CEP95: variants seen among roughly 807,000 people sequenced by gnomAD.
The protein encoded by CEP95 is centrosomal protein of 95 kDa.
Under a neutral mutation model 111.2 loss-of-function variants are expected in CEP95, and 98 were observed. That is an observed-to-expected ratio of 0.88 (90% CI 0.75 to 1.04). The LOEUF is 1.04. Among genes scored for constraint, CEP95 ranks in the 50% least tolerant of loss-of-function variants. CEP95 has a pLI of 0.00. For synonymous variants in CEP95, 323 were observed against 327.1 expected (o/e 0.99, Z 0.14); for missense variants, 1,027 against 977.2 (o/e 1.05, Z -0.68).
At chr17:64,532,702 A>G (rs1043555464) in intron 14 of CEP95, 137 bp from the exon 15 acceptor site, 4 of 1,445,700 alleles carry the variant, frequency 2.8e-6, no homozygotes, top group Non-Finnish European at 3.6e-6. Context: ...AGTAATGCAA[A>G]TTATTATAAG....
rs782294013 is a variant in CEP95 at position 64,533,156 on chromosome 17, C to T, written c.1882C>T (p.Leu628Phe). 5.0e-6 allele frequency: 8 copies of T among 1,592,380 alleles called. No individual in the cohort carries two copies. The highest frequency in any genetic ancestry group is 6.8e-6 in the Non-Finnish European group (8 of 1,174,758). Residue 628 changes from leucine to phenylalanine, a missense_variant, in exon 16 of 20, where the codon CTT becomes TTT. Transcript: ENST00000556440. Reference protein sequence around the residue: ...ALRRHDLLTTLVKKEYEHNKR... With the variant: ...ALRRHDLLTTFVKKEYEHNKR... ...AAGAAGGCATGACCTCCTTACTACC[C>T]TTGTCAAGAAAGAATATGAACATAA...
intron 6 of CEP95, chr17:64,520,449 G>A (rs1458411474): frequency 7.2e-6 from 1 of 139,400 alleles, no homozygotes; most frequent in African/African-American, 2.7e-5. Context: ...TCAATATATG[G>A]ACCATAGTCT....
At chr17:64,526,875 A>G (rs1967859459) in intron 10 of CEP95, among the ~76,000 whole-genome samples, 1 of 152,192 alleles carries the variant, frequency 6.6e-6, no homozygotes, top group Admixed American at 6.6e-5. Flanking sequence ...TGGGAGGATC[A>G]CTGGAACCCA....
At chr17:64,530,456 G>T (rs1555680024) in intron 12 of CEP95, among the ~76,000 whole-genome samples, 1 of 150,958 alleles carries the variant, frequency 6.6e-6, no homozygotes, top group Non-Finnish European at 1.5e-5. Flanking sequence ...GAATGAGCTT[G>T]ATATTTTAGG....
At chr17:64,516,530 G>A (rs2039152400) in intron 4 of CEP95, among the ~76,000 whole-genome samples, 193 bp from the exon 5 acceptor site, 1 of 152,110 alleles carries the variant, frequency 6.6e-6, no homozygotes, top group Non-Finnish European at 1.5e-5. Context: ...CAATATTCTT[G>A]TTTCTTTGTT....
intron 5 of CEP95, among the ~76,000 whole-genome samples, chr17:64,519,116 C>T (rs1031795680): frequency 6.6e-6 from 1 of 152,242 alleles, no homozygotes; most frequent in African/African-American, 2.4e-5. Context: ...ATTTGCTGTT[C>T]TCCTATACAT....
In CEP95 at chr17:64,533,021, C is replaced by A; in HGVS notation, c.1842+13C>A. 6.2e-7 allele frequency: 1 copy of A among 1,606,236 alleles called. No individual in the cohort carries two copies. On this transcript the variant is annotated intron_variant, in intron 15 of 19. Coordinates refer to ENST00000556440, the MANE Select transcript of CEP95 (RefSeq NM_138363.3). ...ACTCCAAGATGAAGTAAGTTACTGT[C>A]AGTCTTAAGCATAGGAATTTAAATG...
At chr17:64,532,147 C>T (rs1007559484) in intron 14 of CEP95, 125 bp downstream of exon 14, 22 of 1,365,544 alleles carry the variant, frequency 1.6e-5, no homozygotes, top group African/African-American at 1.3e-4. Context: ...TTTTTTTTTC[C>T]CAATCACTGC....
Position 64,506,989 on chromosome 17 carries a change from T to G in CEP95, c.-109T>G. ...TCTTTCACGCCTCCTTCCCCGCGCT[T>G]TGGTTCGTGCGTCCGCGCCCCAGTG... is the stretch of plus-strand genomic sequence containing the variant. On this transcript the variant is annotated 5_prime_UTR_variant, in exon 1 of 20. Coordinates refer to ENST00000556440, the MANE Select transcript of CEP95 (RefSeq NM_138363.3). The G allele has an allele frequency of 7.8e-7, 1 of 1,282,826 alleles. No homozygotes were observed. The highest frequency in any genetic ancestry group is 1.1e-6 in the Non-Finnish European group (1 of 903,026). The allele number at this position is 1,282,826 out of a possible 1,614,324, so 79.5% of individuals were successfully genotyped here.
chr17:64,525,646 C>T (rs1207328229), intron 8 of CEP95, 124 bp from the exon 9 acceptor site: 3 of 607,046 alleles, frequency 4.9e-6, no homozygotes, highest in Admixed American at 3.2e-5. Flanking sequence ...GACAAATGCA[C>T]TTCAAAACAC....
chr17:64,518,750 G>A (rs1036498094), intron 5 of CEP95, among the ~76,000 whole-genome samples: 3 of 151,606 alleles, frequency 2.0e-5, no homozygotes, highest in Admixed American at 6.6e-5. Context: ...GTGCAATCTC[G>A]GCTCACTGCA....
intron 1 of CEP95, chr17:64,507,570 C>T (rs116241794): frequency 1.9e-6 from 2 of 1,029,000 alleles, no homozygotes; most frequent in African/African-American, 3.5e-5. Flanking sequence ...AATAGTTGTG[C>T]TTTTTTCTCT....
At chr17:64,514,762 A>G in intron 4 of CEP95, 1 of 262,452 alleles carries the variant, frequency 3.8e-6, no homozygotes, top group Non-Finnish European at 7.1e-6. Context: ...GCCTGCACTT[A>G]CATTTGTGAC....
chr17:64,513,612 T>C (rs1219746105), intron 3 of CEP95, among the ~76,000 whole-genome samples: 1 of 152,152 alleles, frequency 6.6e-6, no homozygotes, highest in Non-Finnish European at 1.5e-5. Flanking sequence ...AAAAAGGTTT[T>C]ATATGCAGGG....
chr17:64,529,830 T>C (rs1003948486), intron 12 of CEP95, among the ~76,000 whole-genome samples: 6 of 152,308 alleles, frequency 3.9e-5, no homozygotes, highest in Non-Finnish European at 7.4e-5. Context: ...ACAGGGAGAT[T>C]GGTATGATTA....
Position 64,536,597 on chromosome 17 carries a change from G to A in CEP95, c.2071-5G>A. The stretch of plus-strand genomic sequence containing the variant: ...TGACTATTTTTACGATTAAATAACT[G>A]ACAGATATTTAAGAAACTGTTTGAA... On this transcript the variant is annotated splice_polypyrimidine_tract_variant and splice_region_variant and intron_variant, in intron 17 of 19. Coordinates refer to ENST00000556440, the MANE Select transcript of CEP95 (RefSeq NM_138363.3). 3.8e-6 allele frequency: 6 copies of A among 1,590,360 alleles called. No individual in the cohort carries two copies. Among genetic ancestry groups the A allele is most frequent in the Non-Finnish European group, 4.3e-6 (5 of 1,169,726 alleles).
At chr17:64,525,136 T>C (rs1360946192) in intron 8 of CEP95, among the ~76,000 whole-genome samples, 3 of 151,386 alleles carry the variant, frequency 2.0e-5, no homozygotes, top group African/African-American at 7.3e-5. Context: ...AGGTCAGGAG[T>C]TCGAGACCAG....
intron 12 of CEP95, among the ~76,000 whole-genome samples, chr17:64,530,524 T>C (rs1555680042): frequency 1.2e-5 from 1 of 80,310 alleles, no homozygotes; most frequent in East Asian, 3.2e-4. Context: ...TTTTTTTTTC[T>C]CAAGGTGGAG....
chr17:64,529,583 C>T (rs1367531482), intron 12 of CEP95, among the ~76,000 whole-genome samples, 156 bp downstream of exon 12: 2 of 152,098 alleles, frequency 1.3e-5, no homozygotes, highest in Non-Finnish European at 2.9e-5. Flanking sequence ...TAGCTTATGT[C>T]TTTGTTAGCA....
Sources: gnomAD v4.1 joint callset for allele counts (sites outside exome capture counted in the v4.1 genomes callset) on GRCh38, gnomAD v4.1.1 for gene constraint, MANE v1.5 for transcripts, NCBI Gene and HGNC (gene_info 2026-07-23, HGNC 2026-07-21) for gene names.